RGS3: variants seen among roughly 807,000 people sequenced by gnomAD.
RGS3 encodes the protein regulator of G protein signaling 3.
RGS3 carries 80 observed loss-of-function variants against 132.6 expected under a neutral mutation model. The ratio of observed to expected loss-of-function variants is 0.60; its 90% confidence interval spans 0.50 to 0.73. The LOEUF is 0.73. Among genes scored for constraint, RGS3 ranks in the 30% least tolerant of loss-of-function variants. The pLI, the probability that RGS3 is intolerant of heterozygous loss-of-function variation, is 0.00. For missense variants in RGS3, 1,382 were observed against 1,530.8 expected (o/e 0.90, Z 1.62); for synonymous variants, 598 against 620.6 (o/e 0.96, Z 0.54).
Position 113,463,584 on chromosome 9 carries a change from G to A in RGS3, c.415+1383G>A. On this transcript the variant is annotated intron_variant, in intron 3 of 24. Coordinates refer to ENST00000350696, the Ensembl canonical transcript of RGS3. This position sits in a 1 kb window ranked among gnomAD's most constrained non-coding sequence, Gnocchi z 4.6. ...CTGCTCAGCGCGGGTCGGCGGCGCC[G>A]CCTCCCCCACCCCGGCCCAGCTCTG... 3 of 805,574 alleles carry A rather than the reference G, an allele frequency of 3.7e-6. No homozygotes were observed. Among genetic ancestry groups the A allele is most frequent in the South Asian group, 2.5e-5 (1 of 39,254 alleles). The allele number at this position is 805,574 out of a possible 1,614,324, so 49.9% of individuals were successfully genotyped here.
intron 18 of RGS3, among the ~76,000 whole-genome samples, chr9:113,533,233 G>GTTT (rs796998306): frequency 3.1e-4 from 43 of 139,630 alleles, no homozygotes; most frequent in African/African-American, 5.0e-4. Context: ...GGAAAATTCT[G>GTTT]TTTTTTTTTT....
At chr9:113,558,995 G>A (rs554374020) in intron 19 of RGS3, among the ~76,000 whole-genome samples, 104 of 152,336 alleles carry the variant, frequency 6.8e-4, no homozygotes, top group African/African-American at 2.4e-3. Flanking sequence ...TGGTGGGGGG[G>A]ATTGGCCTTG....
rs745339530 is a variant in RGS3, at chr9:113,565,598, G to A, written c.2038-17852G>A. The A allele has an allele frequency of 2.0e-5, 5 of 250,562 alleles. No individual in the cohort carries two copies. Among genetic ancestry groups the A allele is most frequent in the South Asian group, 7.8e-5 (2 of 25,764 alleles). 15.5% of individuals were successfully genotyped at this position (250,562 alleles called of 1,614,324 possible). ...GGAGCTCTGTCTGGGGAAGGCAGCC[G>A]CTTGACACGGCCGCCAGGAGCTGCC... On this transcript the variant is annotated intron_variant, in intron 19 of 24. Coordinates refer to ENST00000350696, the Ensembl canonical transcript of RGS3. The surrounding 1 kb of genome is among the most constrained non-coding windows in gnomAD (Gnocchi z 5.7).
chr9:113,506,509 G>A lies in RGS3; in HGVS notation c.1085+16G>A. ...ACGAGATCCGGTGACAGGGGACAGCGGGTGGCCTGGGGCCTCAGGCTGATG... is the reference window on the plus strand; with the variant it reads ...ACGAGATCCGGTGACAGGGGACAGCAGGTGGCCTGGGGCCTCAGGCTGATG... On this transcript the variant is annotated intron_variant, in intron 12 of 24. Coordinates refer to ENST00000350696, the Ensembl canonical transcript of RGS3. The surrounding 1 kb of genome is among the most constrained non-coding windows in gnomAD (Gnocchi z 4.7). 4 of 1,537,196 alleles carry A rather than the reference G, an allele frequency of 2.6e-6. No homozygotes were observed. The highest frequency in any genetic ancestry group is 1.2e-5 in the South Asian group (1 of 84,766).
At chr9:113,484,731 CAG>C (rs1472083623) in intron 6 of RGS3, among the ~76,000 whole-genome samples, 1 of 152,164 alleles carries the variant, frequency 6.6e-6, no homozygotes, top group Non-Finnish European at 1.5e-5. Flanking sequence ...TAACATAACA[CAG>C]GGTACCAGCT....
chr9:113,506,459 C>A lies in RGS3; in HGVS notation c.1051C>A (p.His351Asn). Residue 351 changes from histidine (H) to asparagine (N), a missense_variant, in exon 12 of 25, where the codon CAC becomes AAC. Coordinates refer to ENST00000350696, the Ensembl canonical transcript of RGS3. This position sits in a 1 kb window ranked among gnomAD's most constrained non-coding sequence, Gnocchi z 4.7. ...GCAGCTGAATGAGAGGCCTGTGGAG[C>A]ACTGGAAATGTGTGGAGCTGGCCCA... The A allele has an allele frequency of 6.3e-7, 1 of 1,597,808 alleles. No homozygotes were observed. The highest frequency in any genetic ancestry group is 8.5e-7 in the Non-Finnish European group (1 of 1,173,508).
intron 3 of RGS3, among the ~76,000 whole-genome samples, chr9:113,464,968 A>G (rs753176104): frequency 1.3e-5 from 2 of 152,136 alleles, no homozygotes; most frequent in Non-Finnish European, 2.9e-5. Flanking sequence ...TGGCCTCTGA[A>G]ATTGCCTGAC....
intron 14 of RGS3, among the ~76,000 whole-genome samples, chr9:113,510,872 A>G (rs1459340974): frequency 6.6e-6 from 1 of 152,182 alleles, no homozygotes; most frequent in Non-Finnish European, 1.5e-5. Flanking sequence ...GTAGCTCACA[A>G]TTTTAGGATT....
intron 16 of RGS3, among the ~76,000 whole-genome samples, chr9:113,517,882 T>C (rs138349614): frequency 6.6e-6 from 1 of 152,296 alleles, no homozygotes; most frequent in African/African-American, 2.4e-5. Context: ...CCATTGTTTA[T>C]CCCACCTTCC....
At chr9:113,529,849 A>G (rs1832391196) in intron 18 of RGS3, among the ~76,000 whole-genome samples, 1 of 152,232 alleles carries the variant, frequency 6.6e-6, no homozygotes, top group African/African-American at 2.4e-5. Flanking sequence ...AAGCTTAGAT[A>G]GGCAGTGCTG....
At chr9:113,572,875 C>T (rs9785298) in intron 19 of RGS3, among the ~76,000 whole-genome samples, 9 of 152,238 alleles carry the variant, frequency 5.9e-5, no homozygotes, top group Admixed American at 1.3e-4. Flanking sequence ...GTTTCCCCCC[C>T]TGAAACCTGC....
At chr9:113,495,709 C>A in intron 7 of RGS3, 77 bp from the exon 6 acceptor site, 1 of 1,181,692 alleles carries the variant, frequency 8.5e-7, no homozygotes, top group South Asian at 1.2e-5. Context: ...CAGGCAAACC[C>A]ATGCTATACT....
intron 19 of RGS3, chr9:113,583,074 G>C: frequency 8.0e-6 from 2 of 250,696 alleles, no homozygotes; most frequent in Non-Finnish European, 1.5e-5. Context: ...CTTTGACCCT[G>C]TTTCCTTTTC....
chr9:113,595,400 G>A (rs75276938), intron 23 of RGS3, 199 bp from the exon 22 acceptor site: 9,217 of 594,874 alleles, frequency 0.015, 573 homozygotes, highest in African/African-American at 0.15. Context: ...GGCATAGAGA[G>A]GGGGAGACCC....
chr9:113,597,017 C>T (rs1478372730), exon 25 of RGS3: 1 of 1,413,692 alleles, frequency 7.1e-7, no homozygotes, highest in South Asian at 1.3e-5. Context: ...CACCTGCCTC[C>T]CTGCCCCCTG....
At chr9:113,581,021 AG>A in intron 19 of RGS3, 35 of 58,510 alleles carry the variant, frequency 6.0e-4, no homozygotes, top group Non-Finnish European at 8.6e-4. Flanking sequence ...TGGCTGGGCC[AG>A]GGGGTGGGTC....
intron 1 of RGS3, among the ~76,000 whole-genome samples, chr9:113,445,704 A>C (rs906564704): frequency 6.7e-6 from 1 of 150,228 alleles, no homozygotes; most frequent in African/African-American, 2.5e-5. Flanking sequence ...TTTGAGACAG[A>C]CTCTCCCCCT....
At chr9:113,466,341 T>C (rs1343683409) in intron 3 of RGS3, among the ~76,000 whole-genome samples, 2 of 152,260 alleles carry the variant, frequency 1.3e-5, no homozygotes, top group Admixed American at 1.3e-4. Context: ...GCTGGTAGTT[T>C]CCTGAGCACA....
Position 113,484,124 on chromosome 9 carries a change from T to G in RGS3, c.526-14T>G. 1 of 1,553,492 alleles carries G rather than the reference T, an allele frequency of 6.4e-7. No individual in the cohort carries two copies. Among genetic ancestry groups the G allele is most frequent in the Middle Eastern group, 1.7e-4 (1 of 5,960 alleles). ...TGAGATCCGCTAATCATGCTTCCTTTTTTCCAATTCAAGATTTCTTTGATC... is the reference window on the plus strand; with the variant it reads ...TGAGATCCGCTAATCATGCTTCCTTGTTTCCAATTCAAGATTTCTTTGATC... On this transcript the variant is annotated splice_polypyrimidine_tract_variant and intron_variant, in intron 5 of 24. Coordinates refer to ENST00000350696, the Ensembl canonical transcript of RGS3.
Sources: allele counts gnomAD v4.1 joint callset (sites outside exome capture counted in the v4.1 genomes callset), GRCh38; gene constraint gnomAD v4.1.1; non-coding constraint Gnocchi (gnomAD v3.1); transcripts MANE v1.5; gene names NCBI Gene and HGNC (gene_info 2026-07-23, HGNC 2026-07-21).